Variants in PXDNL observed in about 807,000 individuals in gnomAD.
The protein encoded by PXDNL is peroxidasin like, also known as probable oxidoreductase PXDNL.
Under a neutral mutation model 150.8 loss-of-function variants are expected in PXDNL, and 145 were observed. The observed-to-expected ratio is 0.96, with a 90% confidence interval of 0.84 to 1.10. The LOEUF (loss-of-function observed/expected upper bound fraction) is 1.10, where lower values mean the gene tolerates loss of function less well. Ranked by LOEUF, PXDNL falls within the 50% of genes least tolerant of loss-of-function variation. The pLI is 0.00. For synonymous variants in PXDNL, 757 were observed against 725.7 expected (o/e 1.04, Z -0.69); for missense variants, 2,087 against 1,873.9 (o/e 1.11, Z -2.10).
At chr8:51,413,319 T>A in intron 14 of PXDNL, 61 bp from the exon 15 acceptor site, 3 of 958,290 alleles carry the variant, frequency 3.1e-6, no homozygotes, top group South Asian at 2.7e-5. Flanking sequence ...GGCATGATAT[T>A]ATATGAATGG....
intron 1 of PXDNL, among the ~76,000 whole-genome samples, chr8:51,689,831 T>A (rs896436943): frequency 3.9e-5 from 6 of 152,214 alleles, no homozygotes; most frequent in African/African-American, 1.4e-4. Flanking sequence ...GTGTGGGCCG[T>A]CACTCAACTA....
chr8:51,684,717 G>T (rs189012391), intron 1 of PXDNL, among the ~76,000 whole-genome samples: 6 of 152,204 alleles, frequency 3.9e-5, no homozygotes, highest in African/African-American at 1.4e-4. Flanking sequence ...GTGATTGGAA[G>T]CAACAGACAT....
intron 1 of PXDNL, among the ~76,000 whole-genome samples, chr8:51,678,554 C>A (rs1014730384): frequency 6.6e-6 from 1 of 150,758 alleles, no homozygotes; most frequent in Non-Finnish European, 1.5e-5. Flanking sequence ...ATGATGAGTT[C>A]ATGTCCTTTG....
intron 17 of PXDNL, among the ~76,000 whole-genome samples, chr8:51,407,544 C>T (rs1001626308): frequency 6.6e-6 from 1 of 152,032 alleles, no homozygotes; most frequent in Non-Finnish European, 1.5e-5. Flanking sequence ...CTTCAAATCC[C>T]GTATGTAGAA....
intron 19 of PXDNL, among the ~76,000 whole-genome samples, chr8:51,350,353 T>G (rs189498932): frequency 1.7e-4 from 19 of 112,034 alleles, no homozygotes; most frequent in Non-Finnish European, 2.2e-4. Context: ...AAATGCAGCT[T>G]CTTTTTTTTT....
At chr8:51,709,603 G>A (rs1177569393) in intron 1 of PXDNL, among the ~76,000 whole-genome samples, 1 of 151,996 alleles carries the variant, frequency 6.6e-6, no homozygotes, top group East Asian at 1.9e-4. Context: ...CCAGACAAGA[G>A]CACAAGAATG....
chr8:51,720,988 G>A (rs1228581775), intron 1 of PXDNL, among the ~76,000 whole-genome samples: 3 of 152,206 alleles, frequency 2.0e-5, no homozygotes, highest in Non-Finnish European at 4.4e-5. Context: ...ACGGCCCCAG[G>A]ATATCCGTGG....
chr8:51,372,965 T>C (rs1452930650), intron 18 of PXDNL, among the ~76,000 whole-genome samples: 2 of 152,196 alleles, frequency 1.3e-5, no homozygotes, highest in African/African-American at 4.8e-5. Flanking sequence ...TGCCAAGCAC[T>C]TTTTTGTGCT....
intron 12 of PXDNL, among the ~76,000 whole-genome samples, chr8:51,434,648 TAAG>T (rs369704128): frequency 4.7e-4 from 71 of 152,126 alleles, no homozygotes; most frequent in African/African-American, 1.6e-3. Flanking sequence ...TACTAGGAAA[TAAG>T]AAGGTTAAAA....
intron 17 of PXDNL, among the ~76,000 whole-genome samples, chr8:51,404,884 T>C (rs1003515056): frequency 3.9e-5 from 6 of 152,116 alleles, no homozygotes; most frequent in African/African-American, 1.4e-4. Context: ...ACGGTGATCG[T>C]CAGGGAGGCT....
chr8:51,430,043 A>G (rs1474560904), intron 12 of PXDNL, among the ~76,000 whole-genome samples: 1 of 151,776 alleles, frequency 6.6e-6, no homozygotes, highest in Non-Finnish European at 1.5e-5. Context: ...AGAAGTCTCC[A>G]GTGTCTCACT....
At chr8:51,620,299 C>T (rs1814223658) in intron 2 of PXDNL, among the ~76,000 whole-genome samples, 1 of 152,048 alleles carries the variant, frequency 6.6e-6, no homozygotes, top group African/African-American at 2.4e-5. Flanking sequence ...TCACGAATGC[C>T]TCTAATCCTG....
chr8:51,563,402 C>G (rs147220125), intron 3 of PXDNL, among the ~76,000 whole-genome samples: 2 of 151,980 alleles, frequency 1.3e-5, no homozygotes, highest in African/African-American at 2.4e-5. Context: ...TACTCCCATA[C>G]AGGGGCTCCA....
chr8:51,684,837 G>A (rs1815837993), intron 1 of PXDNL, among the ~76,000 whole-genome samples: 1 of 152,148 alleles, frequency 6.6e-6, no homozygotes, highest in South Asian at 2.1e-4. Context: ...TGACAGCCAG[G>A]AAACAGGACC....
At chr8:51,684,726 A>C (rs565087019) in intron 1 of PXDNL, among the ~76,000 whole-genome samples, 1 of 152,344 alleles carries the variant, frequency 6.6e-6, no homozygotes, top group Non-Finnish European at 1.5e-5. Flanking sequence ...AGCAACAGAC[A>C]TTCTCTTGCT....
chr8:51,459,580 T>G (rs1319505189), intron 8 of PXDNL, among the ~76,000 whole-genome samples: 1 of 152,222 alleles, frequency 6.6e-6, no homozygotes, highest in East Asian at 1.9e-4. Flanking sequence ...TCATTCCTTT[T>G]CCTAGTAATT....
intron 19 of PXDNL, among the ~76,000 whole-genome samples, chr8:51,356,679 A>G (rs1476258653): frequency 2.0e-5 from 3 of 152,124 alleles, no homozygotes; most frequent in South Asian, 4.1e-4. Context: ...CTTTCTCGTT[A>G]TAGTCATTCA....
At chr8:51,453,036 G>T (rs1017147722) in intron 10 of PXDNL, among the ~76,000 whole-genome samples, 1 of 151,982 alleles carries the variant, frequency 6.6e-6, no homozygotes, top group South Asian at 2.1e-4. Flanking sequence ...TTTATAACAC[G>T]ATTGCATGCC....
At chr8:51,646,837 G>A (rs1052639218) in intron 2 of PXDNL, among the ~76,000 whole-genome samples, 14 of 152,228 alleles carry the variant, frequency 9.2e-5, no homozygotes, top group Middle Eastern at 3.4e-3. Flanking sequence ...GGGGACAACC[G>A]CAAGAATCTG....
Sources: allele counts gnomAD v4.1 joint callset (sites outside exome capture counted in the v4.1 genomes callset), GRCh38; gene constraint gnomAD v4.1.1; transcripts MANE v1.5; gene names NCBI Gene and HGNC (gene_info 2026-07-23, HGNC 2026-07-21).